Variants in ZFAND5 observed in about 807,000 individuals in gnomAD.
ZFAND5 encodes zinc finger AN1-type containing 5.
A neutral mutation model predicts 23.6 loss-of-function variants in ZFAND5; 4 were observed. The ratio of observed to expected loss-of-function variants is 0.17; its 90% CI spans 0.08 to 0.39. The LOEUF (loss-of-function observed/expected upper bound fraction) is 0.39, where lower values mean the gene tolerates loss of function less well. Ranked by LOEUF, ZFAND5 falls within the 10% of genes least tolerant of loss-of-function variation. ZFAND5 has a pLI of 1.00. For missense variants in ZFAND5, 161 were observed against 253.7 expected, an observed-to-expected ratio of 0.63 and a Z score of 2.48; for synonymous variants, 68 against 80.6, an observed-to-expected ratio of 0.84 and a Z score of 0.84.
intron 2 of ZFAND5, among the ~76,000 whole-genome samples, chr9:72,362,166 A>C (rs1842123968): frequency 6.6e-6 from 1 of 152,214 alleles, no homozygotes; most frequent in Non-Finnish European, 1.5e-5. Context: ...AACAGTATTA[A>C]TTTAGTTGAC....
chr9:72,356,826 T>C, intron 6 of ZFAND5, 105 bp downstream of exon 6: 1 of 264,356 alleles, frequency 3.8e-6, no homozygotes, highest in Non-Finnish European at 5.2e-6. Context: ...AGTCAGGCTT[T>C]TTTTTTTTTT....
At position 72,355,881 on chromosome 9, in the gene ZFAND5, A is replaced by G; in HGVS notation, c.*72T>C. ...GAACATCAAAGAAAAATGGCCATGCATCTGCTCTTTAATGTTTTCCTACGA... is the reference window on the plus strand; with the variant it reads ...GAACATCAAAGAAAAATGGCCATGCGTCTGCTCTTTAATGTTTTCCTACGA... On this transcript the variant is annotated 3_prime_UTR_variant, in exon 7 of 7. Coordinates refer to ENST00000376962, the MANE Select transcript of ZFAND5 (RefSeq NM_001102420.3). 2 of 1,426,400 alleles carry G rather than the reference A, an allele frequency of 1.4e-6. No homozygotes were observed. The highest frequency in any genetic ancestry group is 1.9e-6 in the Non-Finnish European group (2 of 1,051,218). The allele number at this position is 1,426,400 out of a possible 1,614,324, so 88.4% of individuals were successfully genotyped here. A position where few individuals can be genotyped will look rare whatever the true frequency, so the allele number is the denominator to read the frequency against.
At position 72,354,580 on chromosome 9, in the gene ZFAND5, AC is replaced by A. The variant is rs1841880687; in HGVS notation, c.*1372del. The A allele has an allele frequency of 6.6e-6, 1 of 152,664 alleles. No homozygotes were observed. The highest frequency in any genetic ancestry group is 6.5e-5 in the Admixed American group (1 of 15,282). The allele number at this position is 152,664 out of a possible 1,614,324, so 9.5% of individuals were successfully genotyped here. A position where few individuals can be genotyped will look rare whatever the true frequency, so the allele number is the denominator to read the frequency against. ...TACACATCTGCAGGTCTAACTCAGA[AC>A]TAAGGTACATAAAATTGAAAGCAAA... On this transcript the variant is annotated 3_prime_UTR_variant, in exon 7 of 7. Transcript: ENST00000376962.
chr9:72,360,146 C>A lies in ZFAND5; in HGVS notation c.227G>T (p.Cys76Phe), dbSNP rs1564309203. ...AGATGTGCTGCCAGCAGCACCTTCA[C>A]AGTTGTTTAAGCTAGTGTCTGCTCT... ...VQRADTSLNN[C>F]EGAAGSTSEK... The change falls in exon 4 of 7, where the codon TGT becomes TTT. Residue 76 changes from cysteine (C) to phenylalanine (F), a missense_variant. By Grantham distance (205) the Cys-to-Phe change is radical (BLOSUM62 -2). Transcript: ENST00000376962. The A allele has an allele frequency of 1.2e-6, 2 of 1,612,546 alleles. No individual in the cohort carries two copies. Among genetic ancestry groups the A allele is most frequent in the Admixed American group, 3.3e-5 (2 of 59,958 alleles).
chr9:72,359,326 T>C, intron 5 of ZFAND5, 92 bp downstream of exon 5: 5 of 1,244,528 alleles, frequency 4.0e-6, no homozygotes, highest in African/African-American at 1.5e-5. Flanking sequence ...CCCTCCTCTT[T>C]GGTCCTTCAA....
At chr9:72,362,730 T>C (rs1418868288) in intron 2 of ZFAND5, among the ~76,000 whole-genome samples, 4 of 152,186 alleles carry the variant, frequency 2.6e-5, no homozygotes, top group Non-Finnish European at 5.9e-5. Context: ...TTAGATTTTT[T>C]TCCCCTAGAA....
At chr9:72,364,341 G>GGCC in intron 1 of ZFAND5, 1 of 1,097,360 alleles carries the variant, frequency 9.1e-7, no homozygotes, top group African/African-American at 1.7e-5. Context: ...CAGGGGGCGC[G>GGCC]GCCGCCGCCT....
chr9:72,364,201 A>G (rs1229963481), intron 1 of ZFAND5: 2 of 251,792 alleles, frequency 7.9e-6, no homozygotes, highest in Non-Finnish European at 1.5e-5. Context: ...AAAACCACTG[A>G]GTCATGCAGA....
In ZFAND5 at chr9:72,355,910, A is replaced by G; in HGVS notation, c.*43T>C. 1 of 1,564,234 alleles carries G rather than the reference A, an allele frequency of 6.4e-7. No homozygotes were observed. Among genetic ancestry groups the G allele is most frequent in the Non-Finnish European group, 8.6e-7 (1 of 1,156,282 alleles). On this transcript the variant is annotated 3_prime_UTR_variant, in exon 7 of 7. Coordinates refer to ENST00000376962, the MANE Select transcript of ZFAND5 (RefSeq NM_001102420.3). Reference sequence around the variant, plus strand: ...GCTCTTTAATGTTTTCCTACGATATATTAAAATAAAAACAAAGTTTCAGTC... The same window carrying G: ...GCTCTTTAATGTTTTCCTACGATATGTTAAAATAAAAACAAAGTTTCAGTC...
In ZFAND5 at chr9:72,355,863, A is replaced by G; in HGVS notation, c.*90T>C. 4 of 1,230,522 alleles carry G rather than the reference A, an allele frequency of 3.3e-6. No homozygotes were observed. Among genetic ancestry groups the G allele is most frequent in the Non-Finnish European group, 4.5e-6 (4 of 888,966 alleles). 76.2% of individuals were successfully genotyped at this position (1,230,522 alleles called of 1,614,324 possible). ...GTAATGTAAAACTCTGGAGAACATC[A>G]AAGAAAAATGGCCATGCATCTGCTC... is the stretch of plus-strand genomic sequence containing the variant. On this transcript the variant is annotated 3_prime_UTR_variant, in exon 7 of 7. Transcript: ENST00000376962.
chr9:72,359,957 T>A (rs1393172025), intron 4 of ZFAND5, among the ~76,000 whole-genome samples, 153 bp downstream of exon 4: 1 of 152,186 alleles, frequency 6.6e-6, no homozygotes, highest in Non-Finnish European at 1.5e-5. Flanking sequence ...GTAACACACA[T>A]CTTTACTCAA....
Position 72,353,251 on chromosome 9 carries a change from G to A in ZFAND5, c.*2702C>T. Reference sequence around the variant, plus strand: ...TTCAGGTTTGAATGCAAGAATTTGGGTAGAACTGAGTCCTCTCAGGTGCCT... The same window carrying A: ...TTCAGGTTTGAATGCAAGAATTTGGATAGAACTGAGTCCTCTCAGGTGCCT... On this transcript the variant is annotated 3_prime_UTR_variant, in exon 7 of 7. Transcript: ENST00000376962. The A allele has an allele frequency of 6.6e-6, 1 of 152,222 alleles. No individual in the cohort carries two copies. The allele number at this position is 152,222 out of a possible 1,614,324, so 9.4% of individuals were successfully genotyped here.
At chr9:72,364,319 G>GGCTGCAACGGGCAGGGGGC in intron 1 of ZFAND5, 1 of 943,504 alleles carries the variant, frequency 1.1e-6, no homozygotes, top group Non-Finnish European at 1.3e-6. Flanking sequence ...AGCTAGGGGG[G>GGCTGCAACGGGCAGGGGGC]GCTGCAACGG....
In ZFAND5 at chr9:72,355,784, T is replaced by C; in HGVS notation, c.*169A>G. The stretch of plus-strand genomic sequence containing the variant: ...TTGTAGGGCTGTATCTATCCAATTC[T>C]GCCTGTAACAAACACCCAAACATCC... On this transcript the variant is annotated 3_prime_UTR_variant, in exon 7 of 7. Transcript: ENST00000376962. The C allele has an allele frequency of 1.6e-6, 1 of 630,982 alleles. No homozygotes were observed. The highest frequency in any genetic ancestry group is 2.6e-6 in the Non-Finnish European group (1 of 389,754). The allele number at this position is 630,982 out of a possible 1,614,324, so 39.1% of individuals were successfully genotyped here.
At chr9:72,360,304 A>G in intron 3 of ZFAND5, 83 bp from the exon 4 acceptor site, 1 of 1,187,522 alleles carries the variant, frequency 8.4e-7, no homozygotes. Flanking sequence ...AAATACTTGC[A>G]TTTAATTAGG....
chr9:72,364,628 C>T, intron 1 of ZFAND5, 68 bp downstream of exon 1: 1 of 1,179,722 alleles, frequency 8.5e-7, no homozygotes, highest in African/African-American at 1.7e-5. Flanking sequence ...GCGCCCCGGT[C>T]CCTTCACTCC....
At chr9:72,356,158 A>ATGTTC in intron 6 of ZFAND5, 57 bp from the exon 7 acceptor site, 1 of 1,574,176 alleles carries the variant, frequency 6.4e-7, no homozygotes, top group Non-Finnish European at 8.6e-7. Flanking sequence ...AAAGAAAAAA[A>ATGTTC]AGCCTTAGTC....
At chr9:72,358,253 T>C (rs1373300666) in intron 5 of ZFAND5, among the ~76,000 whole-genome samples, 2 of 152,120 alleles carry the variant, frequency 1.3e-5, no homozygotes, top group Non-Finnish European at 2.9e-5. Flanking sequence ...GTGACAACAT[T>C]AATGTTTATC....
In ZFAND5 at chr9:72,356,107, C is replaced by T. The variant is rs1208341235; in HGVS notation, c.494-6G>A. Reference sequence around the variant, plus strand: ...TCCACATCGGCAGTCAAACCCTGTACAAACGAAGAAGTAGAGTCATTTGAG... The same window carrying T: ...TCCACATCGGCAGTCAAACCCTGTATAAACGAAGAAGTAGAGTCATTTGAG... On this transcript the variant is annotated splice_polypyrimidine_tract_variant and splice_region_variant and intron_variant, in intron 6 of 6. Coordinates refer to ENST00000376962, the MANE Select transcript of ZFAND5 (RefSeq NM_001102420.3). The T allele has an allele frequency of 4.4e-6, 7 of 1,603,736 alleles. No individual in the cohort carries two copies. Among genetic ancestry groups the T allele is most frequent in the South Asian group, 2.3e-5 (2 of 88,546 alleles).
Sources: gnomAD v4.1 joint callset for allele counts (sites outside exome capture counted in the v4.1 genomes callset) on GRCh38, gnomAD v4.1.1 for gene constraint, MANE v1.5 for transcripts, NCBI Gene and HGNC (gene_info 2026-07-23, HGNC 2026-07-21) for gene names.